Variants in KIAA0825 observed in about 807,000 individuals in gnomAD.
KIAA0825 encodes the protein KIAA0825, also known as uncharacterized protein KIAA0825.
A neutral mutation model predicts 147.6 loss-of-function variants in KIAA0825; 119 were observed. The ratio of observed to expected loss-of-function variants is 0.81; its 90% CI spans 0.69 to 0.94. The LOEUF (loss-of-function observed/expected upper bound fraction) is 0.94. Ranked by LOEUF, KIAA0825 falls within the 40% of genes least tolerant of loss-of-function variation. KIAA0825 has a pLI of 0.00. For synonymous variants in KIAA0825, 470 were observed against 518.1 expected (o/e 0.91, Z 1.26); for missense variants, 1,381 against 1,472.7 (o/e 0.94, Z 1.02).
rs5869623 is a variant in KIAA0825 at position 94,205,268 on chromosome 5, CATATATATATATATAT to C, written c.3711-51160_3711-51145del. Among the ~76,000 whole-genome samples the C allele has an allele frequency of 2.9e-3, 261 of 90,296 alleles. 8 individuals carry two copies. Among genetic ancestry groups the C allele is most frequent in the Admixed American group, 0.025 (224 of 9,072 alleles). The allele number at this position is 90,296 out of a possible 152,430, so 59.2% of individuals were successfully genotyped here. A position where few individuals can be genotyped will look rare whatever the true frequency, so the allele number is the denominator to read the frequency against. ...ACTATGATTTCTGTGACTATTTAAT[CATATATATATATATAT>C]ATATATATATATATATTTTGTTTTG... On this transcript the variant is annotated intron_variant, in intron 20 of 20. Coordinates refer to ENST00000682413, the MANE Select transcript of KIAA0825 (RefSeq NM_001145678.3).
chr5:94,481,392 C>A (rs1328524943), intron 6 of KIAA0825, among the ~76,000 whole-genome samples: 2 of 152,126 alleles, frequency 1.3e-5, no homozygotes, highest in Non-Finnish European at 2.9e-5. Context: ...ATTGTATGCA[C>A]TACAAAGCAA....
intron 20 of KIAA0825, among the ~76,000 whole-genome samples, chr5:94,175,777 A>G (rs1244979052): frequency 6.6e-6 from 1 of 152,228 alleles, no homozygotes; most frequent in Non-Finnish European, 1.5e-5. Flanking sequence ...ATATCTAGGA[A>G]GCATTAAAAA....
intron 5 of KIAA0825, among the ~76,000 whole-genome samples, chr5:94,493,059 G>T (rs1763917165): frequency 6.6e-6 from 1 of 152,156 alleles, no homozygotes; most frequent in Non-Finnish European, 1.5e-5. Flanking sequence ...ATAATTCCAA[G>T]AGGTTCTCAG....
intron 2 of KIAA0825, among the ~76,000 whole-genome samples, chr5:94,545,991 G>C (rs1774278220): frequency 6.6e-6 from 1 of 152,188 alleles, no homozygotes; most frequent in African/African-American, 2.4e-5. Context: ...CTATCCTGAA[G>C]GGTGAGTCTC....
At chr5:94,381,734 T>A (rs1748441463) in intron 20 of KIAA0825, among the ~76,000 whole-genome samples, 1 of 152,166 alleles carries the variant, frequency 6.6e-6, no homozygotes. Flanking sequence ...ATTATTATTA[T>A]TTTATTTTAA....
chr5:94,553,218 C>T (rs1775870263), intron 2 of KIAA0825, among the ~76,000 whole-genome samples: 1 of 151,956 alleles, frequency 6.6e-6, no homozygotes, highest in Non-Finnish European at 1.5e-5. Flanking sequence ...GCGGGTGGAT[C>T]ACCTGAGGTC....
chr5:94,536,541 G>C (rs1348136412), intron 3 of KIAA0825, among the ~76,000 whole-genome samples: 1 of 152,170 alleles, frequency 6.6e-6, no homozygotes, highest in Non-Finnish European at 1.5e-5. Flanking sequence ...TTTGGGATAG[G>C]TGATGACTAA....
rs1351313885 is a variant in KIAA0825 at position 94,403,716 on chromosome 5, C to T, written c.2740G>A (p.Val914Ile). The change falls in exon 16 of 21, where the codon GTA becomes ATA. Residue 914 changes from valine (V) to isoleucine (I), a missense_variant. By Grantham distance (29) the Val-to-Ile change is conservative. Transcript: ENST00000682413. ...LALTDAIKDT[V>I]QQIVSVMSSR... The stretch of plus-strand genomic sequence containing the variant: ...CTCATTACAGATACTATCTGCTGTA[C>T]AGTGTCCTTGATGGCATCGGTCAGT... 1.9e-6 allele frequency: 3 copies of T among 1,551,566 alleles called. No homozygotes were observed. Among genetic ancestry groups the T allele is most frequent in the South Asian group, 2.4e-5 (2 of 84,060 alleles).
At chr5:94,522,558 CCT>C (rs1277408251) in intron 4 of KIAA0825, among the ~76,000 whole-genome samples, 2 of 151,350 alleles carry the variant, frequency 1.3e-5, no homozygotes, top group Non-Finnish European at 3.0e-5. Context: ...ATAATGAGGA[CCT>C]CTGTTTCTTA....
chr5:94,475,571 G>C (rs1761780092), intron 7 of KIAA0825, among the ~76,000 whole-genome samples: 1 of 152,154 alleles, frequency 6.6e-6, no homozygotes, highest in African/African-American at 2.4e-5. Flanking sequence ...ACTTTGGGAG[G>C]CCGAGGCAGG....
chr5:94,341,078 G>C (rs1782320321), intron 20 of KIAA0825, among the ~76,000 whole-genome samples: 1 of 152,046 alleles, frequency 6.6e-6, no homozygotes, highest in Non-Finnish European at 1.5e-5. Context: ...ATAATATTCA[G>C]CTTCAAAAAG....
At chr5:94,541,115 A>G (rs1773213724) in intron 2 of KIAA0825, among the ~76,000 whole-genome samples, 3 of 152,360 alleles carry the variant, frequency 2.0e-5, no homozygotes, top group Admixed American at 1.3e-4. Flanking sequence ...AAAGGTGATT[A>G]GGCCTCCTAA....
intron 2 of KIAA0825, among the ~76,000 whole-genome samples, chr5:94,543,726 A>G (rs1342784594): frequency 2.6e-5 from 4 of 152,146 alleles, no homozygotes; most frequent in Non-Finnish European, 5.9e-5. Context: ...CAGTAGGATT[A>G]AGTTTAGGAT....
chr5:94,390,815 T>C (rs1749795960), intron 18 of KIAA0825, among the ~76,000 whole-genome samples: 1 of 152,228 alleles, frequency 6.6e-6, no homozygotes, highest in Non-Finnish European at 1.5e-5. Flanking sequence ...CATTATACAA[T>C]TTTTACTATT....
intron 1 of KIAA0825, among the ~76,000 whole-genome samples, chr5:94,583,036 A>G (rs1192157868): frequency 1.3e-5 from 2 of 152,098 alleles, no homozygotes; most frequent in African/African-American, 2.4e-5. Flanking sequence ...TTAAAAACAG[A>G]TTGCTGGGGG....
chr5:94,588,948 C>T (rs150006559), intron 1 of KIAA0825, among the ~76,000 whole-genome samples: 392 of 152,238 alleles, frequency 2.6e-3, no homozygotes, highest in African/African-American at 9.2e-3. Context: ...CATGTTGTCA[C>T]TCATAAACGG....
chr5:94,544,483 A>G (rs1773945668), intron 2 of KIAA0825, among the ~76,000 whole-genome samples: 1 of 152,132 alleles, frequency 6.6e-6, no homozygotes, highest in Admixed American at 6.5e-5. Context: ...TTACTACCAT[A>G]GCAACTTCCT....
intron 20 of KIAA0825, among the ~76,000 whole-genome samples, chr5:94,275,832 A>T (rs897590645): frequency 1.2e-4 from 19 of 152,036 alleles, no homozygotes; most frequent in Non-Finnish European, 2.9e-5. Flanking sequence ...CATCCACCAC[A>T]CCCTCAGTCT....
chr5:94,470,879 G>T (rs1412467967), intron 9 of KIAA0825, among the ~76,000 whole-genome samples: 1 of 151,992 alleles, frequency 6.6e-6, no homozygotes, highest in African/African-American at 2.4e-5. Flanking sequence ...GACAGTGTAA[G>T]GGCAACAAGA....
Sources: gnomAD v4.1 joint callset for allele counts (sites outside exome capture counted in the v4.1 genomes callset) on GRCh38, gnomAD v4.1.1 for gene constraint, MANE v1.5 for transcripts, NCBI Gene and HGNC (gene_info 2026-07-23, HGNC 2026-07-21) for gene names.